ANGPTL8: variants seen among roughly 807,000 people sequenced by gnomAD.
The protein encoded by ANGPTL8 is angiopoietin-like protein 8.
In ANGPTL8, 24 loss-of-function variants were observed where a neutral mutation model predicts 22.6. That is an observed-to-expected ratio of 1.06 (90% CI 0.77 to 1.49). The LOEUF is 1.49. Ranked by LOEUF, ANGPTL8 falls within the 40% of genes most tolerant of loss-of-function variation. The probability of loss-of-function intolerance (pLI) is 0.00; values close to 1 mark genes in which losing one functional copy is unlikely to be tolerated. For synonymous variants in ANGPTL8, 88 were observed against 113.4 expected (o/e 0.78, Z 1.42); for missense variants, 230 against 259.6 (o/e 0.89, Z 0.78).
In ANGPTL8 at chr19:11,239,711, G is replaced by T. The variant is rs1325157074; in HGVS notation, c.74G>T (p.Gly25Val). Reference protein sequence around the residue: ...VTRPASAAPMGGPELAQHEEL... With the variant: ...VTRPASAAPMVGPELAQHEEL... ...CGGCCTGCCTCAGCGGCCCCCATGG[G>T]CGGCCCAGAACTGGCACAGCATGAG... The change falls in exon 1 of 4, where the codon GGC becomes GTC. Residue 25 changes from glycine (G) to valine (V), a missense_variant. By Grantham distance (109) the Gly-to-Val change is moderately radical (BLOSUM62 -3). Transcript: ENST00000252453. The T allele has an allele frequency of 1.2e-6, 2 of 1,613,618 alleles. No individual in the cohort carries two copies. Among genetic ancestry groups the T allele is most frequent in the Admixed American group, 3.3e-5 (2 of 60,016 alleles).
intron 2 of ANGPTL8, among the ~76,000 whole-genome samples, chr19:11,240,582 C>CTTTT (rs869249463): frequency 7.3e-6 from 1 of 136,362 alleles, no homozygotes; most frequent in Non-Finnish European, 1.6e-5. Flanking sequence ...TCAATAAATT[C>CTTTT]TTTTTTTTTT....
chr19:11,239,661 G>GCT lies in ANGPTL8; in HGVS notation c.27_28dup (p.Trp10SerfsTer7). 1 of 1,613,722 alleles carries GCT rather than the reference G, an allele frequency of 6.2e-7. No homozygotes were observed. The highest frequency in any genetic ancestry group is 8.5e-7 in the Non-Finnish European group (1 of 1,179,828). ...TCATGCCAGTGCCTGCTCTGTGCCT[G>GCT]CTCTGGGCCCTGGCAATGGTGACCC... On this transcript the variant is annotated frameshift_variant, in exon 1 of 4. Coordinates refer to ENST00000252453, the MANE Select transcript of ANGPTL8 (RefSeq NM_018687.7). LOFTEE classifies it high-confidence loss of function.
chr19:11,241,573 TGGCA>T lies in ANGPTL8; in HGVS notation c.569+26_569+29del. On this transcript the variant is annotated intron_variant, in intron 3 of 3. Coordinates refer to ENST00000252453, the MANE Select transcript of ANGPTL8 (RefSeq NM_018687.7). ...AGGAGAGGTGAGCCTGGCAGGGGTT[TGGCA>T]GGCAGGGCAGTTGGATGGGGGGCGC... is the stretch of plus-strand genomic sequence containing the variant. 3.2e-6 allele frequency: 5 copies of T among 1,554,786 alleles called. No individual in the cohort carries two copies. In the South Asian group the frequency reaches 5.9e-5, roughly 18 times the overall value.
At chr19:11,241,307 T>A in intron 2 of ANGPTL8, 138 bp from the exon 3 acceptor site, 1 of 618,792 alleles carries the variant, frequency 1.6e-6, no homozygotes, top group Non-Finnish European at 2.9e-6. Flanking sequence ...TATCCCCATT[T>A]TACAGATGGG....
Position 11,241,738 on chromosome 19 carries a change from C to T in ANGPTL8, c.*51C>T, listed in dbSNP as rs2079948554. The T allele has an allele frequency of 1.2e-5, 18 of 1,559,828 alleles. No homozygotes were observed. The highest frequency in any genetic ancestry group is 2.4e-5 in the East Asian group (1 of 41,398). On this transcript the variant is annotated 3_prime_UTR_variant, in exon 4 of 4. Transcript: ENST00000252453. ...AATCATGCTGCAAGGAACACTTCCA[C>T]GCCCCGTGAGGCCCCTGTGCAGGGA...
In ANGPTL8 at chr19:11,240,215, AC is replaced by A. The variant is rs771663022; in HGVS notation, c.379del (p.Arg127GlyfsTer7). ...GEVAQAQKVL[R>X]DSVQRLEVQL... is the part of the protein sequence containing the mutation. ...AGGTGGCCCAGGCACAGAAGGTGCT[AC>A]GGGACAGCGTGCAGCGGCTAGAAGT... On this transcript the variant is annotated frameshift_variant, in exon 2 of 4. Coordinates refer to ENST00000252453, the MANE Select transcript of ANGPTL8 (RefSeq NM_018687.7). LOFTEE classifies it high-confidence loss of function. 2 of 1,566,584 alleles carry A rather than the reference AC, an allele frequency of 1.3e-6. No individual in the cohort carries two copies. Among genetic ancestry groups the A allele is most frequent in the Non-Finnish European group, 1.7e-6 (2 of 1,155,722 alleles).
Position 11,241,661 on chromosome 19 carries a change from C to T in ANGPTL8, c.571C>T (p.Leu191Phe). The T allele has an allele frequency of 6.3e-7, 1 of 1,579,568 alleles. No individual in the cohort carries two copies. The highest frequency in any genetic ancestry group is 8.6e-7 in the Non-Finnish European group (1 of 1,163,716). Residue 191 changes from leucine (L) to phenylalanine (F), a missense_variant and splice_region_variant, in exon 4 of 4, where the codon CTC (leucine) becomes TTC (phenylalanine). By Grantham distance (22) the Leu-to-Phe change is conservative. Coordinates refer to ENST00000252453, the MANE Select transcript of ANGPTL8 (RefSeq NM_018687.7). ...GCTGAGCCACATCTCCCTCCCCAGA[C>T]TCCACACAGCGGCGCTCCCAGCCTG... ...QHRLRQIQER[L>F]HTAALPA is the part of the protein sequence containing the mutation.
chr19:11,239,963 G>A, intron 1 of ANGPTL8, 29 bp downstream of exon 1: 1 of 1,560,582 alleles, frequency 6.4e-7, no homozygotes, highest in Non-Finnish European at 8.7e-7. Flanking sequence ...ACACTGTGGG[G>A]TGGCCAGGAG....
chr19:11,241,419 TGAG>T, intron 2 of ANGPTL8, 23 bp from the exon 3 acceptor site: 1 of 1,485,334 alleles, frequency 6.7e-7, no homozygotes, highest in Non-Finnish European at 9.2e-7. Context: ...GGCTGTCGGC[TGAG>T]GTTTCCATTC....
chr19:11,240,311 C>G lies in ANGPTL8; in HGVS notation c.459+15C>G. The G allele has an allele frequency of 1.3e-6, 2 of 1,545,474 alleles. No individual in the cohort carries two copies. Among genetic ancestry groups the G allele is most frequent in the African/African-American group, 2.8e-5 (2 of 72,260 alleles). Reference sequence around the variant, plus strand: ...AGGTCTTAAAGGTAAGGAGCTCCCCCAACCCTAGTGGGCTGAGACCCTGAT... The same window carrying G: ...AGGTCTTAAAGGTAAGGAGCTCCCCGAACCCTAGTGGGCTGAGACCCTGAT... On this transcript the variant is annotated intron_variant, in intron 2 of 3. Coordinates refer to ENST00000252453, the MANE Select transcript of ANGPTL8 (RefSeq NM_018687.7).
At chr19:11,240,665 C>T (rs535565121) in intron 2 of ANGPTL8, among the ~76,000 whole-genome samples, 1 of 151,618 alleles carries the variant, frequency 6.6e-6, no homozygotes, top group South Asian at 2.1e-4. Context: ...CTGCAACCTC[C>T]ACCTCCTAGG....
rs376869839 is a variant in ANGPTL8, at chr19:11,241,763, A to T, written c.*76A>T. 99 of 1,547,372 alleles carry T rather than the reference A, an allele frequency of 6.4e-5. 1 individual carries two copies. The highest frequency in any genetic ancestry group is 6.1e-4 in the East Asian group (25 of 40,932). Reference sequence around the variant, plus strand: ...CGCCCCGTGAGGCCCCTGTGCAGGGAGGAGCTGCCTGTTCACTGGGATCAG... The same window carrying T: ...CGCCCCGTGAGGCCCCTGTGCAGGGTGGAGCTGCCTGTTCACTGGGATCAG... On this transcript the variant is annotated 3_prime_UTR_variant, in exon 4 of 4. Transcript: ENST00000252453.
At position 11,239,702 on chromosome 19, in the gene ANGPTL8, C is replaced by A; in HGVS notation, c.65C>A (p.Ala22Asp). The change falls in exon 1 of 4, where the codon GCC (alanine) becomes GAC (aspartate). Residue 22 changes from alanine (A) to aspartate (D), a missense_variant. By Grantham distance (126) the Ala-to-Asp change is moderately radical (BLOSUM62 -2). Transcript: ENST00000252453. ...LAMVTRPASAAPMGGPELAQH... is the reference protein window; with the variant it reads ...LAMVTRPASADPMGGPELAQH... ...ATGGTGACCCGGCCTGCCTCAGCGG[C>A]CCCCATGGGCGGCCCAGAACTGGCA... is the stretch of plus-strand genomic sequence containing the variant. 2 of 1,613,590 alleles carry A rather than the reference C, an allele frequency of 1.2e-6. No homozygotes were observed. The highest frequency in any genetic ancestry group is 2.2e-5 in the East Asian group (1 of 44,844).
At position 11,240,384 on chromosome 19, in the gene ANGPTL8, G is replaced by C. The variant is rs186729337; in HGVS notation, c.459+88G>C. ...CACCTTGAGTCCCAAAGACCTCCCA[G>C]ATCAGCCTCCCAGCTCTGTGGCCTC... On this transcript the variant is annotated intron_variant, in intron 2 of 3. Transcript: ENST00000252453. 2.8e-4 allele frequency: 381 copies of C among 1,348,968 alleles called. 1 individual carries two copies. The African/African-American group carries it at 5.0e-3, about 18-fold the overall frequency. 83.6% of individuals were successfully genotyped at this position (1,348,968 alleles called of 1,614,324 possible). A position where few individuals can be genotyped will look rare whatever the true frequency, so the allele number is the denominator to read the frequency against.
chr19:11,241,614 G>A, intron 3 of ANGPTL8, 46 bp from the exon 4 acceptor site: 1 of 1,561,332 alleles, frequency 6.4e-7, no homozygotes, highest in African/African-American at 1.4e-5. Flanking sequence ...CAGGGCAGCT[G>A]GAAAGGGGCC....
rs2079948872 is a variant in ANGPTL8, at chr19:11,241,749, G to GC, written c.*66dup. On this transcript the variant is annotated 3_prime_UTR_variant, in exon 4 of 4. Coordinates refer to ENST00000252453, the MANE Select transcript of ANGPTL8 (RefSeq NM_018687.7). ...AAGGAACACTTCCACGCCCCGTGAG[G>GC]CCCCTGTGCAGGGAGGAGCTGCCTG... The GC allele has an allele frequency of 7.7e-6, 12 of 1,553,690 alleles. No individual in the cohort carries two copies.
At chr19:11,240,040 G>A in intron 1 of ANGPTL8, 95 bp from the exon 2 acceptor site, 2 of 1,547,722 alleles carry the variant, frequency 1.3e-6, no homozygotes, top group Non-Finnish European at 8.7e-7. Flanking sequence ...AGGGATTCCT[G>A]GGATACAAGA....
Position 11,241,823 on chromosome 19 carries a change from A to G in ANGPTL8, c.*136A>G, listed in dbSNP as rs1026382716. ...CGGGCCCCACTTCTGAGCACAGAGC[A>G]GAGACAGACGCAGGCGGGGACAAAG... is the stretch of plus-strand genomic sequence containing the variant. On this transcript the variant is annotated 3_prime_UTR_variant, in exon 4 of 4. Transcript: ENST00000252453. 7.0e-7 allele frequency: 1 copy of G among 1,433,938 alleles called. No homozygotes were observed. The highest frequency in any genetic ancestry group is 2.0e-5 in the Admixed American group (1 of 50,596). The allele number at this position is 1,433,938 out of a possible 1,614,324, so 88.8% of individuals were successfully genotyped here. A position where few individuals can be genotyped will look rare whatever the true frequency, so the allele number is the denominator to read the frequency against.
Position 11,239,853 on chromosome 19 carries a change from C to T in ANGPTL8, c.216C>T (p.Arg72=), listed in dbSNP as rs377021496. 10 of 1,599,536 alleles carry T rather than the reference C, an allele frequency of 6.3e-6. No individual in the cohort carries two copies. Among genetic ancestry groups the T allele is most frequent in the African/African-American group, 2.7e-5 (2 of 74,702 alleles). ...KARNSLGLYG[R]TIELLGQEVS... ...GGAACAGCCTGGGTCTCTATGGCCG[C>T]ACAATAGAACTCCTGGGGCAGGAGG... The change falls in exon 1 of 4, where the codon CGC becomes CGT. Residue 72 remains arginine (R), a synonymous_variant. Coordinates refer to ENST00000252453, the MANE Select transcript of ANGPTL8 (RefSeq NM_018687.7).
Sources: allele counts gnomAD v4.1 joint callset (sites outside exome capture counted in the v4.1 genomes callset), GRCh38; gene constraint gnomAD v4.1.1; transcripts MANE v1.5; gene names NCBI Gene and HGNC (gene_info 2026-07-23, HGNC 2026-07-21).